Variants in SAMHD1 observed in about 807,000 individuals in gnomAD.
The protein encoded by SAMHD1 is SAM and HD domain containing deoxynucleoside triphosphate triphosphohydrolase 1.
Under a neutral mutation model 79.6 loss-of-function variants are expected in SAMHD1, and 54 were observed. That is an observed-to-expected ratio of 0.68 (90% CI 0.55 to 0.85). SAMHD1 has a LOEUF of 0.85. SAMHD1 is among the 40% of genes least tolerant of loss of function. The probability of loss-of-function intolerance (pLI) is 0.00; values close to 1 mark genes in which losing one functional copy is unlikely to be tolerated. For synonymous variants in SAMHD1, 260 were observed against 264.1 expected, an observed-to-expected ratio of 0.98 and a Z score of 0.15; for missense variants, 663 against 782.7, an observed-to-expected ratio of 0.85 and a Z score of 1.82.
chr20:36,942,715 C>T (rs1245224088), intron 2 of SAMHD1, among the ~76,000 whole-genome samples: 30 of 151,844 alleles, frequency 2.0e-4, no homozygotes, highest in Non-Finnish European at 2.9e-5. Context: ...GACGTGATCT[C>T]GGCTCACTGC....
At chr20:36,903,926 TTTAA>T (rs2063390899) in intron 13 of SAMHD1, 1 of 418,546 alleles carries the variant, frequency 2.4e-6, no homozygotes, top group African/African-American at 2.0e-5. Flanking sequence ...ATTAAAAATT[TTTAA>T]TTAATATAGA....
intron 2 of SAMHD1, among the ~76,000 whole-genome samples, chr20:36,945,830 G>C (rs973659676): frequency 1.3e-5 from 2 of 151,982 alleles, no homozygotes; most frequent in African/African-American, 4.8e-5. Flanking sequence ...AGAATGGCTT[G>C]AACCCAGGGG....
intron 9 of SAMHD1, among the ~76,000 whole-genome samples, chr20:36,913,617 A>C (rs919836141): frequency 6.6e-6 from 1 of 151,646 alleles, no homozygotes; most frequent in Non-Finnish European, 1.5e-5. Context: ...AAAAAAAAAA[A>C]AAACCCTAAA....
chr20:36,906,387 G>A (rs1305659932), intron 11 of SAMHD1, among the ~76,000 whole-genome samples: 3 of 152,324 alleles, frequency 2.0e-5, no homozygotes, highest in Non-Finnish European at 4.4e-5. Context: ...GCAGTGAGCC[G>A]AGATGGCGCC....
chr20:36,932,312 T>C (rs1374950175), intron 4 of SAMHD1, among the ~76,000 whole-genome samples: 6 of 134,736 alleles, frequency 4.5e-5, no homozygotes, highest in Non-Finnish European at 6.1e-5. Context: ...GATTGCGCCA[T>C]TGCACTCCAG....
intron 15 of SAMHD1, 78 bp downstream of exon 15, chr20:36,897,744 T>C (rs1352599794): frequency 1.7e-5 from 26 of 1,528,142 alleles, no homozygotes; most frequent in Non-Finnish European, 2.3e-5. Context: ...ATGGGAACTT[T>C]TCAGCAGATA....
intron 2 of SAMHD1, chr20:36,946,339 G>A (rs1159115699): frequency 5.9e-6 from 1 of 168,686 alleles, no homozygotes; most frequent in Non-Finnish European, 1.3e-5. Flanking sequence ...CATGAACCCG[G>A]GAGGCGGAGC....
chr20:36,923,167 AT>A (rs772866572), intron 6 of SAMHD1, among the ~76,000 whole-genome samples: 44 of 151,248 alleles, frequency 2.9e-4, no homozygotes, highest in African/African-American at 1.1e-3. Context: ...CACCCAGCCA[AT>A]TTTTTTGTAT....
chr20:36,897,001 C>G (rs1173711939), intron 15 of SAMHD1, among the ~76,000 whole-genome samples: 2 of 152,198 alleles, frequency 1.3e-5, no homozygotes, highest in African/African-American at 2.4e-5. Flanking sequence ...CAAACACAAC[C>G]CTGCCTTCTA....
intron 3 of SAMHD1, among the ~76,000 whole-genome samples, chr20:36,939,253 C>CAAAAAAAAA (rs57018620): frequency 1.6e-4 from 6 of 36,636 alleles, no homozygotes; most frequent in Admixed American, 5.2e-4. Context: ...GACTCCCTCT[C>CAAAAAAAAA]AAAAAAAAAA....
At chr20:36,902,372 G>A (rs138608326) in intron 13 of SAMHD1, among the ~76,000 whole-genome samples, 3,323 of 152,248 alleles carry the variant, frequency 0.022, 44 homozygotes, top group Non-Finnish European at 0.032. Flanking sequence ...TAGTAGAGAT[G>A]GGGTTTTGCC....
intron 15 of SAMHD1, among the ~76,000 whole-genome samples, chr20:36,894,583 A>G (rs899104577): frequency 5.3e-5 from 8 of 151,438 alleles, no homozygotes; most frequent in African/African-American, 9.7e-5. Context: ...CCTGGGCAAC[A>G]TGGTGAGACC....
intron 1 of SAMHD1, among the ~76,000 whole-genome samples, chr20:36,949,755 CAAAAAAAAAAAA>C (rs34682795): frequency 2.9e-5 from 2 of 69,800 alleles, no homozygotes; most frequent in South Asian, 6.2e-4. Flanking sequence ...GACTCTGTCT[CAAAAAAAAAAAA>C]AAAAAAAAAA....
chr20:36,935,153 G>A lies in SAMHD1; in HGVS notation c.385C>T (p.His129Tyr). 6.2e-7 allele frequency: 1 copy of A among 1,613,654 alleles called. No homozygotes were observed. Among genetic ancestry groups the A allele is most frequent in the Non-Finnish European group, 8.5e-7 (1 of 1,179,574 alleles). The change falls in exon 4 of 16, where the codon CAC (histidine) becomes TAC (tyrosine). Residue 129 changes from histidine (H) to tyrosine (Y), a missense_variant. Coordinates refer to ENST00000646673, the MANE Select transcript of SAMHD1 (RefSeq NM_015474.4). ...TCAATGATTCGGACGAGGAGAGGGT[G>A]GAGCTCAATGTGGCCATGGATAGGA... ...NDPIHGHIEL[H>Y]PLLVRIIDTP...
At chr20:36,935,282 G>A in intron 3 of SAMHD1, 93 bp from the exon 4 acceptor site, 1 of 1,021,100 alleles carries the variant, frequency 9.8e-7, no homozygotes, top group Non-Finnish European at 1.5e-6. Context: ...CAAAGTCAAA[G>A]CTATTTGATT....
chr20:36,925,478 C>G (rs570488036), intron 6 of SAMHD1, among the ~76,000 whole-genome samples: 27 of 152,286 alleles, frequency 1.8e-4, no homozygotes, highest in African/African-American at 6.0e-4. Context: ...GAGAAACTAC[C>G]CATTTTACTG....
At chr20:36,940,738 T>C (rs1264907227) in intron 3 of SAMHD1, 2 of 430,644 alleles carry the variant, frequency 4.6e-6, no homozygotes, top group South Asian at 2.4e-5. Flanking sequence ...TCTTCAATAG[T>C]TTCTAATATT....
At chr20:36,902,883 G>A (rs375977766) in intron 13 of SAMHD1, among the ~76,000 whole-genome samples, 4 of 151,642 alleles carry the variant, frequency 2.6e-5, no homozygotes, top group Admixed American at 6.6e-5. Flanking sequence ...GATTATAGGC[G>A]CGCACCACCA....
rs538846678 is a variant in SAMHD1, at chr20:36,945,397, C to T, written c.275+1341G>A. Among the ~76,000 whole-genome samples, 4 of 152,250 alleles carry T rather than the reference C, an allele frequency of 2.6e-5. No individual in the cohort carries two copies. The South Asian group carries it at 8.3e-4, about 32-fold the overall frequency. ...AGTGTCTTTAAATCTAATACCAGGG[C>T]ATATTCCAATCTTTAGGAAAACCTA... On this transcript the variant is annotated intron_variant, in intron 2 of 15. Coordinates refer to ENST00000646673, the MANE Select transcript of SAMHD1 (RefSeq NM_015474.4).
Sources: allele counts gnomAD v4.1 joint callset (sites outside exome capture counted in the v4.1 genomes callset), GRCh38; gene constraint gnomAD v4.1.1; transcripts MANE v1.5; gene names NCBI Gene and HGNC (gene_info 2026-07-23, HGNC 2026-07-21).